DGKI: variants seen among roughly 807,000 people sequenced by gnomAD.
DGKI encodes the protein DAG kinase iota.
A neutral mutation model predicts 147.5 loss-of-function variants in DGKI; 55 were observed. The observed-to-expected ratio is 0.37, with a 90% CI of 0.30 to 0.47. The LOEUF is 0.47. DGKI is among the 20% of genes least tolerant of loss of function. The pLI is 1.00. For synonymous variants in DGKI, 469 were observed against 477.1 expected (o/e 0.98, Z 0.22); for missense variants, 1,007 against 1,323.8 (o/e 0.76, Z 3.71).
In DGKI at chr7:137,747,086, G is replaced by T. The variant is rs1032716590; in HGVS notation, c.402-57084C>A. 3.3e-5 allele frequency among the ~76,000 whole-genome samples: 5 copies of T among 151,984 alleles called. No individual in the cohort carries two copies. The East Asian group carries it at 7.7e-4, about 23-fold the overall frequency. ...GAAGCTCCTTGGCCTAATAATTTAG[G>T]TTTTTTTAAAAAAAGTGTAATCCTA... On this transcript the variant is annotated intron_variant, in intron 1 of 32. Coordinates refer to ENST00000614521, the MANE Select transcript of DGKI (RefSeq NM_001321708.2).
At chr7:137,791,307 G>T (rs908372405) in intron 1 of DGKI, among the ~76,000 whole-genome samples, 2 of 152,170 alleles carry the variant, frequency 1.3e-5, no homozygotes, top group Non-Finnish European at 1.5e-5. Context: ...GTGACCTAAA[G>T]GTTGTCCTTT....
At position 137,509,518 on chromosome 7, in the gene DGKI, C is replaced by T. The variant is rs977185446; in HGVS notation, c.2248+12348G>A. On this transcript the variant is annotated intron_variant, in intron 21 of 32. Transcript: ENST00000614521. ...TTTTGCATAGCTGTGGGGGTTACAA[C>T]CTTCTGATACACTTACCTAACACCA... Among the ~76,000 whole-genome samples the T allele has an allele frequency of 1.2e-4, 18 of 152,098 alleles. 1 individual carries two copies. The highest frequency in any genetic ancestry group is 2.4e-4 in the Non-Finnish European group (16 of 68,010).
At chr7:137,601,026 C>T (rs1585273049) in intron 10 of DGKI, among the ~76,000 whole-genome samples, 1 of 151,146 alleles carries the variant, frequency 6.6e-6, no homozygotes. Flanking sequence ...AATCCCAGCA[C>T]CTTGGGAGGC....
chr7:137,721,220 A>G (rs1794547135), intron 1 of DGKI, among the ~76,000 whole-genome samples: 1 of 152,204 alleles, frequency 6.6e-6, no homozygotes, highest in South Asian at 2.1e-4. Context: ...AAGGCCCTAC[A>G]CCACATTGTT....
chr7:137,676,181 C>T (rs1015560951), intron 3 of DGKI, among the ~76,000 whole-genome samples: 1 of 152,158 alleles, frequency 6.6e-6, no homozygotes, highest in Non-Finnish European at 1.5e-5. Flanking sequence ...ACTTACACTC[C>T]TGGCAGCTGA....
intron 1 of DGKI, among the ~76,000 whole-genome samples, chr7:137,829,861 A>G (rs543350209): frequency 6.6e-6 from 1 of 152,384 alleles, no homozygotes; most frequent in Admixed American, 6.5e-5. Context: ...AGTTGGTCAC[A>G]GGCATTTCTC....
intron 10 of DGKI, among the ~76,000 whole-genome samples, chr7:137,600,890 A>G (rs938767536): frequency 1.3e-5 from 2 of 152,208 alleles, no homozygotes; most frequent in Admixed American, 6.5e-5. Context: ...GGGCATTTTA[A>G]GTAACTGTGA....
At chr7:137,417,415 C>G (rs1812399632) in intron 28 of DGKI, among the ~76,000 whole-genome samples, 1 of 152,186 alleles carries the variant, frequency 6.6e-6, no homozygotes, top group Non-Finnish European at 1.5e-5. Flanking sequence ...GCTGTATCTT[C>G]AAATAAATTG....
At chr7:137,409,043 C>T (rs1214900206) in intron 29 of DGKI, among the ~76,000 whole-genome samples, 1 of 152,080 alleles carries the variant, frequency 6.6e-6, no homozygotes, top group Non-Finnish European at 1.5e-5. Context: ...GTGTTCCATA[C>T]CATTGTAGGA....
chr7:137,604,108 A>G (rs1161282213), intron 10 of DGKI, among the ~76,000 whole-genome samples: 1 of 152,172 alleles, frequency 6.6e-6, no homozygotes, highest in Non-Finnish European at 1.5e-5. Flanking sequence ...GATTTCAGAA[A>G]TAGGACTTTC....
intron 27 of DGKI, among the ~76,000 whole-genome samples, chr7:137,457,924 T>TA (rs11326069): frequency 1.8e-4 from 26 of 146,838 alleles, no homozygotes; most frequent in African/African-American, 4.7e-4. Context: ...AAGTTAAATC[T>TA]AAAAAAAAAA....
chr7:137,640,656 C>G (rs1821592292), intron 6 of DGKI, among the ~76,000 whole-genome samples: 1 of 152,144 alleles, frequency 6.6e-6, no homozygotes, highest in African/African-American at 2.4e-5. Context: ...CTGAAAGGCC[C>G]AAGTCAGTAT....
chr7:137,468,688 C>T (rs1190798145), intron 24 of DGKI, among the ~76,000 whole-genome samples: 3 of 152,154 alleles, frequency 2.0e-5, no homozygotes, highest in Non-Finnish European at 4.4e-5. Context: ...CCAGTTAAAA[C>T]CCTTACATTG....
chr7:137,611,241 G>A (rs1482016743), intron 8 of DGKI, among the ~76,000 whole-genome samples: 2 of 152,152 alleles, frequency 1.3e-5, no homozygotes, highest in African/African-American at 4.8e-5. Flanking sequence ...TAGAAACCAC[G>A]AGGCTGGCAG....
chr7:137,712,038 T>C (rs951562698), intron 1 of DGKI, among the ~76,000 whole-genome samples: 7 of 152,124 alleles, frequency 4.6e-5, no homozygotes, highest in African/African-American at 1.7e-4. Context: ...AATGAATGTA[T>C]GGCATTTAAG....
chr7:137,445,496 T>C (rs893442407), intron 27 of DGKI, among the ~76,000 whole-genome samples: 6 of 152,164 alleles, frequency 3.9e-5, no homozygotes, highest in African/African-American at 1.4e-4. Context: ...GGTTGATTTA[T>C]CCTCCCACTG....
At chr7:137,816,286 G>A (rs1795148631) in intron 1 of DGKI, among the ~76,000 whole-genome samples, 1 of 152,140 alleles carries the variant, frequency 6.6e-6, no homozygotes, top group Non-Finnish European at 1.5e-5. Context: ...CTTGAACACT[G>A]CCCCTTGCTA....
chr7:137,391,553 G>A (rs1811365857), intron 32 of DGKI, among the ~76,000 whole-genome samples: 2 of 152,170 alleles, frequency 1.3e-5, no homozygotes, highest in Admixed American at 6.5e-5. Flanking sequence ...TTGAACATGT[G>A]CGATTGGTAA....
At chr7:137,817,475 GTTTA>G (rs1296829345) in intron 1 of DGKI, among the ~76,000 whole-genome samples, 2 of 152,204 alleles carry the variant, frequency 1.3e-5, no homozygotes, top group Non-Finnish European at 2.9e-5. Context: ...ATAACAAAGT[GTTTA>G]TTTGAGTTCA....
Sources: allele counts gnomAD v4.1 joint callset (sites outside exome capture counted in the v4.1 genomes callset), GRCh38; gene constraint gnomAD v4.1.1; transcripts MANE v1.5; gene names NCBI Gene and HGNC (gene_info 2026-07-23, HGNC 2026-07-21).